Variants in GPC5 observed in about 807,000 individuals in gnomAD.
GPC5 encodes the protein glypican-5.
In GPC5, 47 loss-of-function variants were observed where a neutral mutation model predicts 53.9. The observed-to-expected ratio is 0.87, with a 90% CI of 0.69 to 1.11. The LOEUF (loss-of-function observed/expected upper bound fraction) is 1.11. GPC5 is among the 50% of genes most tolerant of loss of function. GPC5 has a pLI of 0.00. For synonymous variants in GPC5, 286 were observed against 263.3 expected (o/e 1.09, Z -0.84); for missense variants, 748 against 713.1 (o/e 1.05, Z -0.56).
intron 6 of GPC5, among the ~76,000 whole-genome samples, chr13:91,996,983 T>G (rs1459227713): frequency 6.6e-6 from 1 of 152,032 alleles, no homozygotes; most frequent in Non-Finnish European, 1.5e-5. Flanking sequence ...ATTGTAAGTA[T>G]CTTAATTATA....
intron 7 of GPC5, among the ~76,000 whole-genome samples, chr13:92,505,950 T>C (rs908284472): frequency 2.6e-5 from 4 of 152,018 alleles, no homozygotes; most frequent in African/African-American, 9.7e-5. Context: ...GTTGACAGGA[T>C]GTAGGAGTGA....
chr13:91,922,943 T>C lies in GPC5; in HGVS notation c.1401+14886T>C, dbSNP rs72633732. On this transcript the variant is annotated intron_variant, in intron 6 of 7. Transcript: ENST00000377067. The stretch of plus-strand genomic sequence containing the variant: ...TTTTCTGGGTGTTAACTTAAATTCA[T>C]AGTTCTACCACCCTCCATTGAATTC... Among the ~76,000 whole-genome samples, 620 of 152,318 alleles carry C rather than the reference T, an allele frequency of 4.1e-3. 2 individuals carry two copies. The highest frequency in any genetic ancestry group is 0.017 in the Middle Eastern group (5 of 294).
chr13:92,344,408 G>A (rs915548754), intron 7 of GPC5, among the ~76,000 whole-genome samples: 3 of 152,070 alleles, frequency 2.0e-5, no homozygotes, highest in African/African-American at 7.2e-5. Flanking sequence ...TTTGGGCGGG[G>A]ACACAGCTAA....
rs554866290 is a variant in GPC5, at chr13:91,571,913, T to C, written c.326-121274T>C. Among the ~76,000 whole-genome samples the C allele has an allele frequency of 3.5e-3, 359 of 101,480 alleles. 26 individuals carry two copies. The highest frequency in any genetic ancestry group is 7.4e-3 in the South Asian group (16 of 2,176). 66.6% of individuals were successfully genotyped at this position (101,480 alleles called of 152,430 possible). ...TGTGTATATACACATATTGTATATA[T>C]ACACATATTGTATATATACACACAT... is the stretch of plus-strand genomic sequence containing the variant. On this transcript the variant is annotated intron_variant, in intron 2 of 7. Transcript: ENST00000377067.
intron 6 of GPC5, among the ~76,000 whole-genome samples, chr13:92,038,821 A>G (rs1002006087): frequency 1.3e-5 from 2 of 152,158 alleles, no homozygotes; most frequent in Admixed American, 1.3e-4. Flanking sequence ...AGTGAAAAGA[A>G]CACAGTCAGG....
At chr13:91,562,681 A>G (rs1009452740) in intron 2 of GPC5, among the ~76,000 whole-genome samples, 1 of 149,696 alleles carries the variant, frequency 6.7e-6, no homozygotes, top group African/African-American at 2.5e-5. Flanking sequence ...TGGCCTCCAA[A>G]GTGCTGGGAT....
Position 91,983,140 on chromosome 13 carries a change from T to C in GPC5, c.1401+75083T>C, listed in dbSNP as rs538991385. Among the ~76,000 whole-genome samples the C allele has an allele frequency of 2.6e-5, 4 of 151,910 alleles. No individual in the cohort carries two copies. In the East Asian group the frequency reaches 7.8e-4, roughly 30 times the overall value. On this transcript the variant is annotated intron_variant, in intron 6 of 7. Coordinates refer to ENST00000377067, the MANE Select transcript of GPC5 (RefSeq NM_004466.6). ...ACGGGCGGATCACGAGGTCAGGAGA[T>C]CGAGACCATCCTGGCTAACACGGTG...
chr13:92,500,204 A>G (rs948463569), intron 7 of GPC5, among the ~76,000 whole-genome samples: 4 of 152,110 alleles, frequency 2.6e-5, no homozygotes, highest in Admixed American at 2.0e-4. Flanking sequence ...TCCGTCCCAC[A>G]GACCCTGACC....
At chr13:92,228,942 T>A (rs982759853) in intron 7 of GPC5, among the ~76,000 whole-genome samples, 1 of 152,026 alleles carries the variant, frequency 6.6e-6, no homozygotes, top group African/African-American at 2.4e-5. Context: ...TTTAATACAT[T>A]TGGAAAAAAT....
chr13:92,626,554 T>C (rs1885052421), intron 7 of GPC5, among the ~76,000 whole-genome samples: 1 of 152,174 alleles, frequency 6.6e-6, no homozygotes, highest in Non-Finnish European at 1.5e-5. Flanking sequence ...GGAGGCCTCA[T>C]TGCTGCTTTC....
At chr13:92,844,844 G>A (rs374473250) in intron 7 of GPC5, among the ~76,000 whole-genome samples, 3 of 152,278 alleles carry the variant, frequency 2.0e-5, no homozygotes, top group East Asian at 3.9e-4. Context: ...ACCAGTAAAT[G>A]TGCAACGTAT....
intron 6 of GPC5, among the ~76,000 whole-genome samples, chr13:92,013,374 G>A (rs2040679005): frequency 6.6e-6 from 1 of 152,160 alleles, no homozygotes; most frequent in Admixed American, 6.5e-5. Context: ...CACCTCTCCT[G>A]AGAAGTCTAG....
At chr13:92,189,328 A>C (rs899569429) in intron 7 of GPC5, among the ~76,000 whole-genome samples, 1 of 151,014 alleles carries the variant, frequency 6.6e-6, no homozygotes, top group Non-Finnish European at 1.5e-5. Flanking sequence ...GAAATACCCA[A>C]CTCTAGCCAA....
At chr13:92,282,348 C>T (rs935931548) in intron 7 of GPC5, among the ~76,000 whole-genome samples, 1 of 152,078 alleles carries the variant, frequency 6.6e-6, no homozygotes. Flanking sequence ...GGAGAACTTC[C>T]CCAACCTAGC....
chr13:92,649,370 A>G (rs1277585747), intron 7 of GPC5, among the ~76,000 whole-genome samples: 1 of 152,214 alleles, frequency 6.6e-6, no homozygotes, highest in African/African-American at 2.4e-5. Context: ...TGCTTTTGTT[A>G]TTCACATTGC....
chr13:92,534,331 A>G (rs987673665), intron 7 of GPC5, among the ~76,000 whole-genome samples: 1 of 152,158 alleles, frequency 6.6e-6, no homozygotes, highest in Non-Finnish European at 1.5e-5. Flanking sequence ...TGTGTCCTAT[A>G]CAACTTTTTT....
At chr13:91,640,714 G>T (rs533458767) in intron 2 of GPC5, among the ~76,000 whole-genome samples, 2 of 151,646 alleles carry the variant, frequency 1.3e-5, no homozygotes, top group Non-Finnish European at 2.9e-5. Flanking sequence ...CAGGAGAATC[G>T]CTTGAACCTG....
At chr13:92,615,110 G>A (rs1160855669) in intron 7 of GPC5, among the ~76,000 whole-genome samples, 1 of 152,210 alleles carries the variant, frequency 6.6e-6, no homozygotes, top group Admixed American at 6.5e-5. Context: ...GTTTAAGGAA[G>A]CAGAGTCACA....
intron 6 of GPC5, among the ~76,000 whole-genome samples, chr13:92,112,103 C>T (rs1029306212): frequency 3.9e-5 from 6 of 152,042 alleles, no homozygotes; most frequent in Admixed American, 6.6e-5. Flanking sequence ...GTTAGTGTTA[C>T]ACAAAGAGTT....
Sources: allele counts gnomAD v4.1 joint callset (sites outside exome capture counted in the v4.1 genomes callset), GRCh38; gene constraint gnomAD v4.1.1; transcripts MANE v1.5; gene names NCBI Gene and HGNC (gene_info 2026-07-23, HGNC 2026-07-21).